IRF2: variants seen among roughly 807,000 people sequenced by gnomAD.
The protein encoded by IRF2 is interferon regulatory factor 2.
A neutral mutation model predicts 40.6 loss-of-function variants in IRF2; 15 were observed. That is an observed-to-expected ratio of 0.37 (90% CI 0.25 to 0.57). IRF2 has a LOEUF of 0.57. Ranked by LOEUF, IRF2 falls within the 20% of genes least tolerant of loss-of-function variation. The probability of loss-of-function intolerance (pLI) is 0.77; values close to 1 mark genes in which losing one functional copy is unlikely to be tolerated. For synonymous variants in IRF2, 151 were observed against 165.5 expected (o/e 0.91, Z 0.67); for missense variants, 317 against 455.7 (o/e 0.70, Z 2.77).
chr4:184,469,610 G>C (rs1486501856), intron 1 of IRF2, among the ~76,000 whole-genome samples: 1 of 152,182 alleles, frequency 6.6e-6, no homozygotes. Context: ...AGGAGTTTGA[G>C]CCTGTAGTGA....
chr4:184,473,077 C>T (rs938028448), intron 1 of IRF2, among the ~76,000 whole-genome samples: 5 of 152,082 alleles, frequency 3.3e-5, no homozygotes, highest in South Asian at 2.1e-4. Context: ...AGCAGGCGGG[C>T]GCCGCGATTG....
chr4:184,400,531 C>T (rs1036721679), intron 6 of IRF2, among the ~76,000 whole-genome samples: 1 of 152,142 alleles, frequency 6.6e-6, no homozygotes, highest in Non-Finnish European at 1.5e-5. Context: ...TGTTTGTGTT[C>T]AGGTTTTGTA....
intron 7 of IRF2, among the ~76,000 whole-genome samples, chr4:184,397,998 T>C (rs1338063005): frequency 6.6e-6 from 1 of 152,154 alleles, no homozygotes; most frequent in African/African-American, 2.4e-5. Flanking sequence ...GCCAAGTCCC[T>C]GGAGAATTGG....
chr4:184,437,611 A>G lies in IRF2; in HGVS notation c.-6-8541T>C, dbSNP rs1229785193. On this transcript the variant is annotated intron_variant, in intron 1 of 8. Transcript: ENST00000393593. ...AAATGTCTAAGTCACCCACGCCTCT[A>G]GATGAGGAGGCAGGACTTGAACCTC... Among the ~76,000 whole-genome samples the G allele has an allele frequency of 4.6e-5, 7 of 152,226 alleles. No homozygotes were observed. The East Asian group carries it at 1.3e-3, about 29-fold the overall frequency.
rs754750118 is a variant in IRF2, at chr4:184,408,130, T to C, written c.529+28A>G. ...GGCCCCAGGGGGCTGCTGGTATGTA[T>C]AAAAAATGAGACGTCAAAACAGTTT... On this transcript the variant is annotated intron_variant, in intron 6 of 8. Coordinates refer to ENST00000393593, the MANE Select transcript of IRF2 (RefSeq NM_002199.4). This position sits in a 1 kb window ranked among gnomAD's most constrained non-coding sequence, Gnocchi z 4.9. 7.1e-7 allele frequency: 1 copy of C among 1,408,660 alleles called. No homozygotes were observed. Among genetic ancestry groups the C allele is most frequent in the Non-Finnish European group, 1.0e-6 (1 of 995,834 alleles). The allele number at this position is 1,408,660 out of a possible 1,614,324, so 87.3% of individuals were successfully genotyped here. A position where few individuals can be genotyped will look rare whatever the true frequency, so the allele number is the denominator to read the frequency against.
intron 1 of IRF2, among the ~76,000 whole-genome samples, chr4:184,459,168 C>G (rs1739045699): frequency 6.6e-6 from 1 of 152,022 alleles, no homozygotes; most frequent in Non-Finnish European, 1.5e-5. Flanking sequence ...CTACCATATC[C>G]GAGTCCCAAG....
intron 1 of IRF2, among the ~76,000 whole-genome samples, chr4:184,442,954 TCA>T (rs1738368546): frequency 6.6e-6 from 1 of 152,088 alleles, no homozygotes; most frequent in Non-Finnish European, 1.5e-5. Flanking sequence ...AGACAGAGTC[TCA>T]CTCTTGTCAC....
chr4:184,411,339 A>G (rs1737066788), intron 5 of IRF2, among the ~76,000 whole-genome samples: 1 of 152,122 alleles, frequency 6.6e-6, no homozygotes, highest in Non-Finnish European at 1.5e-5. Context: ...GATTACAGGC[A>G]TGAGCCACCA....
rs1736970810 is a variant in IRF2 at position 184,408,941 on chromosome 4, T to C, written c.412-666A>G. ...GCCCAAGAATTCTGCACGTGCACAC[T>C]AATGAAATAATGAGAACAAATTCCT... On this transcript the variant is annotated intron_variant, in intron 5 of 8. Transcript: ENST00000393593. This position sits in a 1 kb window ranked among gnomAD's most constrained non-coding sequence, Gnocchi z 4.9. Among the ~76,000 whole-genome samples the C allele has an allele frequency of 1.3e-5, 2 of 152,184 alleles. No homozygotes were observed. The highest frequency in any genetic ancestry group is 4.8e-5 in the African/African-American group (2 of 41,434).
chr4:184,454,601 C>A (rs1255411934), intron 1 of IRF2, among the ~76,000 whole-genome samples: 6 of 152,214 alleles, frequency 3.9e-5, no homozygotes, highest in African/African-American at 1.2e-4. Context: ...AGGGTCGGAT[C>A]TGGCATCCAT....
chr4:184,406,016 A>G (rs1443707450), intron 6 of IRF2, among the ~76,000 whole-genome samples: 1 of 152,116 alleles, frequency 6.6e-6, no homozygotes, highest in Non-Finnish European at 1.5e-5. Context: ...GTCTGGGCAT[A>G]TTGCGATGTA....
intron 5 of IRF2, among the ~76,000 whole-genome samples, chr4:184,414,292 C>T (rs1726350444): frequency 6.6e-6 from 1 of 152,220 alleles, no homozygotes; most frequent in Non-Finnish European, 1.5e-5. Context: ...TTTTCTGAAA[C>T]ATATACATGC....
At chr4:184,428,025 T>A (rs1010314517) in intron 2 of IRF2, among the ~76,000 whole-genome samples, 5 of 152,172 alleles carry the variant, frequency 3.3e-5, no homozygotes, top group Admixed American at 3.3e-4. Flanking sequence ...GATTATATAG[T>A]TCTAGAAGTT....
chr4:184,441,986 G>A (rs565773417), intron 1 of IRF2, among the ~76,000 whole-genome samples: 1 of 152,282 alleles, frequency 6.6e-6, no homozygotes, highest in East Asian at 1.9e-4. Context: ...TCAAGAGGTA[G>A]AGAGGGCCCC....
chr4:184,407,197 G>A (rs1434851150), intron 6 of IRF2: 5 of 1,289,304 alleles, frequency 3.9e-6, no homozygotes, highest in Middle Eastern at 2.1e-4. Flanking sequence ...GAGGCCAGCG[G>A]AGGCCTGTCA....
intron 1 of IRF2, among the ~76,000 whole-genome samples, chr4:184,469,719 A>G (rs1253646517): frequency 1.3e-5 from 2 of 152,152 alleles, no homozygotes; most frequent in Non-Finnish European, 2.9e-5. Context: ...AATAAACACA[A>G]TTTGTTTCAG....
intron 6 of IRF2, among the ~76,000 whole-genome samples, chr4:184,404,193 G>T (rs1186839581): frequency 2.6e-5 from 4 of 152,106 alleles, no homozygotes; most frequent in African/African-American, 9.7e-5. Flanking sequence ...AAATTGCTAA[G>T]GTCACCCAGG....
intron 1 of IRF2, among the ~76,000 whole-genome samples, chr4:184,445,207 C>A (rs1738461140): frequency 6.6e-6 from 1 of 152,178 alleles, no homozygotes; most frequent in South Asian, 2.1e-4. Context: ...GGGGGTGTGC[C>A]CCAACCCCGG....
chr4:184,471,323 C>T (rs1739506696), intron 1 of IRF2, among the ~76,000 whole-genome samples: 1 of 152,188 alleles, frequency 6.6e-6, no homozygotes, highest in African/African-American at 2.4e-5. Flanking sequence ...ATGGTCAGCT[C>T]ACTCACCAGA....
Sources: gnomAD v4.1 joint callset for allele counts (sites outside exome capture counted in the v4.1 genomes callset) on GRCh38, gnomAD v4.1.1 for gene constraint, Gnocchi (gnomAD v3.1) non-coding constraint, MANE v1.5 for transcripts, NCBI Gene and HGNC (gene_info 2026-07-23, HGNC 2026-07-21) for gene names.